Variants in OPCML observed in about 807,000 individuals in gnomAD.
The protein encoded by OPCML is opioid binding protein/cell adhesion molecule like.
A neutral mutation model predicts 37.8 loss-of-function variants in OPCML; 13 were observed. The observed-to-expected ratio is 0.34, with a 90% CI of 0.22 to 0.55. The LOEUF (loss-of-function observed/expected upper bound fraction) is 0.55. Among genes scored for constraint, OPCML ranks in the 20% least tolerant of loss-of-function variants. OPCML has a pLI of 0.91. For synonymous variants in OPCML, 176 were observed against 168.8 expected (o/e 1.04, Z -0.33); for missense variants, 341 against 435.6 (o/e 0.78, Z 1.93).
In OPCML at chr11:133,211,621, G is replaced by A. The variant is rs763967780; in HGVS notation, c.62-268611C>T. On this transcript the variant is annotated intron_variant, in intron 1 of 7. Transcript: ENST00000524381. This position sits in a 1 kb window ranked among gnomAD's most constrained non-coding sequence, Gnocchi z 4.1. Reference sequence around the variant, plus strand: ...TCCTAGAAGGGAGCTGAGGTACCCAGAGGCCCTTCCCTAATAGCTGGAATT... The same window carrying A: ...TCCTAGAAGGGAGCTGAGGTACCCAAAGGCCCTTCCCTAATAGCTGGAATT... Among the ~76,000 whole-genome samples, 9 of 152,212 alleles carry A rather than the reference G, an allele frequency of 5.9e-5. No individual in the cohort carries two copies. The highest frequency in any genetic ancestry group is 1.0e-4 in the Non-Finnish European group (7 of 68,044).
chr11:132,875,190 C>T (rs1942963543), intron 2 of OPCML, among the ~76,000 whole-genome samples: 1 of 152,156 alleles, frequency 6.6e-6, no homozygotes, highest in African/African-American at 2.4e-5. Context: ...ACTCATGCTA[C>T]ATTATGAAGC....
intron 4 of OPCML, among the ~76,000 whole-genome samples, chr11:132,503,352 T>C (rs1348227105): frequency 3.3e-5 from 5 of 152,184 alleles, no homozygotes; most frequent in Non-Finnish European, 5.9e-5. Context: ...CAGCAGTCAG[T>C]GCACGTAGTA....
intron 1 of OPCML, among the ~76,000 whole-genome samples, chr11:133,345,606 A>G (rs551693438): frequency 6.6e-6 from 1 of 152,154 alleles, no homozygotes; most frequent in Non-Finnish European, 1.5e-5. Flanking sequence ...TGCTTGTGCC[A>G]TTTTCCTACC....
chr11:133,173,319 G>T lies in OPCML; in HGVS notation c.62-230309C>A, dbSNP rs1197055671. Among the ~76,000 whole-genome samples, 2 of 152,172 alleles carry T rather than the reference G, an allele frequency of 1.3e-5. No homozygotes were observed. Among genetic ancestry groups the T allele is most frequent in the Non-Finnish European group, 2.9e-5 (2 of 68,042 alleles). ...TGATTATTTAATATGTTTAATATCTGTCTCTACTTGTAGACCCCAACATTC... is the reference window on the plus strand; with the variant it reads ...TGATTATTTAATATGTTTAATATCTTTCTCTACTTGTAGACCCCAACATTC... On this transcript the variant is annotated intron_variant, in intron 1 of 7. Coordinates refer to ENST00000524381, the MANE Select transcript of OPCML (RefSeq NM_001012393.5). The surrounding 1 kb of genome is among the most constrained non-coding windows in gnomAD (Gnocchi z 7.8).
intron 1 of OPCML, among the ~76,000 whole-genome samples, chr11:133,252,752 G>C (rs926564875): frequency 6.6e-6 from 1 of 151,822 alleles, no homozygotes; most frequent in Non-Finnish European, 1.5e-5. Context: ...CCCTCATTCT[G>C]CTTCCCAAGT....
intron 2 of OPCML, among the ~76,000 whole-genome samples, chr11:132,846,492 T>C (rs545164670): frequency 7.2e-5 from 11 of 152,128 alleles, no homozygotes; most frequent in Non-Finnish European, 7.4e-5. Flanking sequence ...TGAGAAGAAA[T>C]GTGTTTTAAA....
chr11:132,631,146 C>G (rs1306461741), intron 3 of OPCML, among the ~76,000 whole-genome samples: 2 of 151,788 alleles, frequency 1.3e-5, no homozygotes, highest in East Asian at 3.9e-4. Context: ...TCCTTAAGTT[C>G]TCTCATAATT....
chr11:133,498,802 C>T (rs1265434553), intron 1 of OPCML, among the ~76,000 whole-genome samples: 1 of 152,184 alleles, frequency 6.6e-6, no homozygotes, highest in Non-Finnish European at 1.5e-5. Context: ...TCTTATAAAA[C>T]AAGGCAGGCC....
Position 132,943,341 on chromosome 11 carries a change from G to A in OPCML, c.62-331C>T, listed in dbSNP as rs1945650028. 1 of 572,544 alleles carries A rather than the reference G, an allele frequency of 1.7e-6. No homozygotes were observed. The highest frequency in any genetic ancestry group is 3.1e-6 in the Non-Finnish European group (1 of 327,414). The allele number at this position is 572,544 out of a possible 1,614,324, so 35.5% of individuals were successfully genotyped here. A position where few individuals can be genotyped will look rare whatever the true frequency, so the allele number is the denominator to read the frequency against. On this transcript the variant is annotated intron_variant, in intron 1 of 7. Transcript: ENST00000524381. This position sits in a 1 kb window ranked among gnomAD's most constrained non-coding sequence, Gnocchi z 4.3. ...TGCATCCAAAAAGAGCTTTCTTGAC[G>A]CTCCCCTGGGGAGGAGGGAGGCGGC... is the stretch of plus-strand genomic sequence containing the variant.
chr11:132,932,656 T>C (rs1591819540), intron 2 of OPCML, among the ~76,000 whole-genome samples: 1 of 149,736 alleles, frequency 6.7e-6, no homozygotes, highest in East Asian at 2.0e-4. Context: ...CAATAAATGC[T>C]GCATGGATAA....
chr11:132,671,628 G>A (rs1942479986), intron 2 of OPCML, among the ~76,000 whole-genome samples: 1 of 152,148 alleles, frequency 6.6e-6, no homozygotes, highest in South Asian at 2.1e-4. Flanking sequence ...GTATGAAACA[G>A]CACTCAACAT....
chr11:132,940,988 C>G (rs1042659141), intron 2 of OPCML, among the ~76,000 whole-genome samples: 2 of 151,330 alleles, frequency 1.3e-5, no homozygotes, highest in Non-Finnish European at 2.9e-5. Context: ...AGAAGAGACG[C>G]AAAATCAACA....
chr11:132,768,328 G>T (rs369867893), intron 2 of OPCML, among the ~76,000 whole-genome samples: 1 of 152,088 alleles, frequency 6.6e-6, no homozygotes, highest in Middle Eastern at 3.2e-3. Flanking sequence ...CCCCCATTCC[G>T]TCGATCTCTA....
At chr11:132,967,735 G>A (rs960234262) in intron 1 of OPCML, among the ~76,000 whole-genome samples, 5 of 151,998 alleles carry the variant, frequency 3.3e-5, no homozygotes, top group Admixed American at 6.6e-5. Context: ...AGTAATATTT[G>A]CTTTTTTGTA....
At chr11:133,283,764 G>T (rs890048158) in intron 1 of OPCML, among the ~76,000 whole-genome samples, 3 of 152,052 alleles carry the variant, frequency 2.0e-5, no homozygotes, top group Non-Finnish European at 2.9e-5. Flanking sequence ...GGTATATGAG[G>T]TTCATTTTGC....
intron 2 of OPCML, among the ~76,000 whole-genome samples, chr11:132,936,332 T>C (rs935192873): frequency 1.3e-5 from 2 of 152,182 alleles, no homozygotes; most frequent in African/African-American, 4.8e-5. Flanking sequence ...TAGGAGCAAA[T>C]GCAGACTCTG....
intron 1 of OPCML, among the ~76,000 whole-genome samples, chr11:133,129,722 G>A (rs1949574980): frequency 6.6e-6 from 1 of 152,008 alleles, no homozygotes. Flanking sequence ...GGGCAACATA[G>A]CAAGAACCCA....
intron 3 of OPCML, among the ~76,000 whole-genome samples, chr11:132,575,908 G>T (rs958022975): frequency 6.6e-6 from 1 of 151,988 alleles, no homozygotes; most frequent in Non-Finnish European, 1.5e-5. Context: ...AGTTTTGCCA[G>T]GCATAGTAAT....
At chr11:133,421,269 G>A in intron 1 of OPCML, 1 of 985,400 alleles carries the variant, frequency 1.0e-6, no homozygotes, top group African/African-American at 1.7e-5. Flanking sequence ...TGCCAAACGT[G>A]AGTGGAAAGG....
Sources: allele counts gnomAD v4.1 joint callset (sites outside exome capture counted in the v4.1 genomes callset), GRCh38; gene constraint gnomAD v4.1.1; non-coding constraint Gnocchi (gnomAD v3.1); transcripts MANE v1.5; gene names NCBI Gene and HGNC (gene_info 2026-07-23, HGNC 2026-07-21).